Variants in AFF3 observed in about 807,000 individuals in gnomAD.
The protein encoded by AFF3 is AF4/FMR2 family member 3.
In AFF3, 32 loss-of-function variants were observed where a neutral mutation model predicts 129.7. The observed-to-expected ratio is 0.25, with a 90% CI of 0.19 to 0.33. The LOEUF is 0.33. AFF3 is among the 10% of genes least tolerant of loss of function. The probability of loss-of-function intolerance (pLI) is 1.00; values close to 1 mark genes in which losing one functional copy is unlikely to be tolerated. For synonymous variants in AFF3, 644 were observed against 635.4 expected (o/e 1.01, Z -0.20); for missense variants, 1,373 against 1,592.0 (o/e 0.86, Z 2.34).
chr2:99,967,803 T>A (rs190970706), intron 7 of AFF3, among the ~76,000 whole-genome samples: 62 of 152,344 alleles, frequency 4.1e-4, no homozygotes, highest in African/African-American at 1.5e-3. Flanking sequence ...ACACAGCCAC[T>A]TTCTTTCCAG....
chr2:99,859,206 G>A (rs1002770834), intron 7 of AFF3, among the ~76,000 whole-genome samples: 1 of 152,192 alleles, frequency 6.6e-6, no homozygotes, highest in Non-Finnish European at 1.5e-5. Context: ...TTTCCTGTGA[G>A]TTATCCTCAG....
At chr2:99,665,664 T>C (rs1686610800) in intron 12 of AFF3, among the ~76,000 whole-genome samples, 1 of 152,104 alleles carries the variant, frequency 6.6e-6, no homozygotes, top group African/African-American at 2.4e-5. Context: ...ACTTTAGAAA[T>C]TGTCAGTATA....
intron 7 of AFF3, among the ~76,000 whole-genome samples, chr2:99,899,909 A>G (rs1694228349): frequency 6.6e-6 from 1 of 152,242 alleles, no homozygotes; most frequent in Non-Finnish European, 1.5e-5. Context: ...AAATGGCAGA[A>G]CTATTTAGAC....
chr2:99,763,838 G>A (rs1417673188), intron 8 of AFF3, among the ~76,000 whole-genome samples: 3 of 152,294 alleles, frequency 2.0e-5, no homozygotes, highest in Admixed American at 2.0e-4. Flanking sequence ...AACTGAAACA[G>A]GCCTGAGAAG....
intron 8 of AFF3, among the ~76,000 whole-genome samples, chr2:99,758,026 T>C (rs1216788386): frequency 6.6e-6 from 1 of 152,226 alleles, no homozygotes; most frequent in East Asian, 1.9e-4. Context: ...CAGCACCTAA[T>C]ACAGAGCCTG....
At chr2:100,048,160 A>T (rs1685989629) in intron 4 of AFF3, among the ~76,000 whole-genome samples, 1 of 152,242 alleles carries the variant, frequency 6.6e-6, no homozygotes, top group Non-Finnish European at 1.5e-5. Flanking sequence ...CCTGTTGTTT[A>T]CAATGTAACA....
chr2:100,013,299 A>G (rs1328679543), intron 4 of AFF3, among the ~76,000 whole-genome samples: 1 of 152,218 alleles, frequency 6.6e-6, no homozygotes, highest in Non-Finnish European at 1.5e-5. Context: ...ATGAAACTAA[A>G]TAAAAGTAAC....
chr2:99,554,557 A>C, intron 23 of AFF3, 23 bp from the exon 24 acceptor site: 1 of 1,609,682 alleles, frequency 6.2e-7, no homozygotes, highest in East Asian at 2.2e-5. Flanking sequence ...AGGTAGAAAA[A>C]CCAGAGTGGC....
intron 7 of AFF3, among the ~76,000 whole-genome samples, chr2:99,868,855 T>C (rs552134105): frequency 6.6e-6 from 1 of 152,318 alleles, no homozygotes; most frequent in African/African-American, 2.4e-5. Flanking sequence ...TGCAGTGGTT[T>C]GATCACGGCT....
chr2:100,137,536 T>TACACACAC lies in AFF3; in HGVS notation c.-228+4940_-228+4947dup, dbSNP rs3038476. Among the ~76,000 whole-genome samples the TACACACAC allele has an allele frequency of 9.6e-3, 1,378 of 144,096 alleles. 9 individuals are homozygous for TACACACAC. Among genetic ancestry groups the TACACACAC allele is most frequent in the Middle Eastern group, 0.023 (6 of 262 alleles). The allele number at this position is 144,096 out of a possible 152,430, so 94.5% of individuals were successfully genotyped here. On this transcript the variant is annotated intron_variant, in intron 1 of 24. Coordinates refer to ENST00000672756, the MANE Select transcript of AFF3 (RefSeq NM_001386135.1). ...GCATGTGTGCACGTGCACACGTGCA[T>TACACACAC]ACACACACACACACACACACACAGA...
At chr2:100,044,461 G>A (rs559360496) in intron 4 of AFF3, among the ~76,000 whole-genome samples, 1 of 151,962 alleles carries the variant, frequency 6.6e-6, no homozygotes, top group East Asian at 1.9e-4. Context: ...GTCATAGAGT[G>A]CAATGAACCT....
chr2:99,944,342 TG>T (rs1435870762), intron 7 of AFF3, among the ~76,000 whole-genome samples: 12 of 152,228 alleles, frequency 7.9e-5, no homozygotes, highest in Non-Finnish European at 2.9e-5. Context: ...AAATTGGGAT[TG>T]GAGTTGAGTA....
At chr2:100,029,662 G>A (rs1041405889) in intron 4 of AFF3, among the ~76,000 whole-genome samples, 1 of 152,210 alleles carries the variant, frequency 6.6e-6, no homozygotes, top group African/African-American at 2.4e-5. Flanking sequence ...GATGCAGGGA[G>A]TGGGAAAACA....
intron 2 of AFF3, among the ~76,000 whole-genome samples, chr2:100,113,699 T>TAC (rs1295646261): frequency 2.0e-5 from 3 of 152,192 alleles, no homozygotes; most frequent in African/African-American, 7.2e-5. Flanking sequence ...AAGGGCTTAA[T>TAC]ACAGCCCCTA....
chr2:99,590,508 A>G (rs1463391835), intron 15 of AFF3, among the ~76,000 whole-genome samples: 2 of 152,236 alleles, frequency 1.3e-5, no homozygotes, highest in Non-Finnish European at 2.9e-5. Context: ...CATGGGGCCC[A>G]TGAAAAGCTG....
At chr2:100,135,989 G>T (rs1188663572) in intron 1 of AFF3, among the ~76,000 whole-genome samples, 1 of 152,190 alleles carries the variant, frequency 6.6e-6, no homozygotes, top group African/African-American at 2.4e-5. Flanking sequence ...AGAAGTGAAG[G>T]ATGGCTTCAA....
intron 11 of AFF3, among the ~76,000 whole-genome samples, chr2:99,686,508 A>G (rs935106137): frequency 1.3e-5 from 2 of 152,160 alleles, no homozygotes; most frequent in African/African-American, 2.4e-5. Flanking sequence ...TCTCAGTCCC[A>G]TACCCTTTGG....
chr2:99,751,157 A>T (rs1214768682), intron 9 of AFF3, among the ~76,000 whole-genome samples: 5 of 152,186 alleles, frequency 3.3e-5, no homozygotes, highest in African/African-American at 1.2e-4. Context: ...GCAGTGGCAC[A>T]ATCTCAGCTT....
chr2:100,087,275 C>A (rs1016127046), intron 4 of AFF3, among the ~76,000 whole-genome samples: 1 of 152,162 alleles, frequency 6.6e-6, no homozygotes, highest in African/African-American at 2.4e-5. Context: ...ATTATACTTA[C>A]ATACTTATAT....
Sources: allele counts gnomAD v4.1 joint callset (sites outside exome capture counted in the v4.1 genomes callset), GRCh38; gene constraint gnomAD v4.1.1; transcripts MANE v1.5; gene names NCBI Gene and HGNC (gene_info 2026-07-23, HGNC 2026-07-21).